INSC: variants seen among roughly 807,000 people sequenced by gnomAD.
INSC encodes the protein protein inscuteable homolog.
A neutral mutation model predicts 58.6 loss-of-function variants in INSC; 67 were observed. That is an observed-to-expected ratio of 1.14 (90% confidence interval 0.94 to 1.40). INSC has a LOEUF of 1.40. INSC is among the 40% of genes most tolerant of loss of function. The probability of loss-of-function intolerance (pLI) is 0.00; values close to 1 mark genes in which losing one functional copy is unlikely to be tolerated. For missense variants in INSC, 714 were observed against 692.0 expected (o/e 1.03, Z -0.36); for synonymous variants, 262 against 276.1 (o/e 0.95, Z 0.51).
At chr11:15,120,711 C>A (rs538559805) in intron 1 of INSC, among the ~76,000 whole-genome samples, 1 of 152,116 alleles carries the variant, frequency 6.6e-6, no homozygotes, top group Non-Finnish European at 1.5e-5. Flanking sequence ...GATGTTTAGA[C>A]TTTTTGTCAT....
chr11:15,177,038 G>A (rs17505972), intron 3 of INSC, 73 bp from the exon 4 acceptor site: 37,405 of 1,143,110 alleles, frequency 0.033, 808 homozygotes, highest in Non-Finnish European at 0.042. Context: ...TAATGTCCCC[G>A]TGTGCTCAGC....
At chr11:15,215,486 G>A (rs1246111806) in intron 7 of INSC, among the ~76,000 whole-genome samples, 1 of 152,196 alleles carries the variant, frequency 6.6e-6, no homozygotes, top group Non-Finnish European at 1.5e-5. Context: ...CTTCTCCCCA[G>A]AGGCCCCAAT....
chr11:15,135,964 G>A (rs146077236), intron 1 of INSC, among the ~76,000 whole-genome samples: 8 of 152,270 alleles, frequency 5.3e-5, no homozygotes, highest in Non-Finnish European at 1.2e-4. Context: ...ATGCTCACAT[G>A]ACGGAGGTAG....
At chr11:15,198,748 C>T (rs539419337) in intron 6 of INSC, among the ~76,000 whole-genome samples, 2 of 152,074 alleles carry the variant, frequency 1.3e-5, no homozygotes, top group South Asian at 4.2e-4. Context: ...CTTAGGACTT[C>T]TATTTCTTTT....
chr11:15,240,581 G>C, intron 12 of INSC, 58 bp downstream of exon 12: 1 of 1,447,326 alleles, frequency 6.9e-7, no homozygotes, highest in Non-Finnish European at 9.6e-7. Context: ...AGCCAAGGGG[G>C]CCAGGAGAAC....
chr11:15,267,231 T>C, the INSC span, among the ~76,000 whole-genome samples: 1 of 151,998 alleles, frequency 6.6e-6, no homozygotes, highest in African/African-American at 2.4e-5. Flanking sequence ...TTATCTTTGC[T>C]CCTCTATATA....
chr11:15,144,417 G>A (rs1848444297), intron 1 of INSC, among the ~76,000 whole-genome samples: 1 of 152,166 alleles, frequency 6.6e-6, no homozygotes, highest in Non-Finnish European at 1.5e-5. Context: ...GATTCATAAT[G>A]ATGGGCTGAC....
intron 1 of INSC, among the ~76,000 whole-genome samples, chr11:15,143,459 C>T (rs1290190222): frequency 6.6e-6 from 1 of 152,076 alleles, no homozygotes; most frequent in South Asian, 2.1e-4. Flanking sequence ...CAGGGATGAA[C>T]AGCAGCTGGC....
At chr11:15,258,724 C>T in the INSC span, among the ~76,000 whole-genome samples, 8 of 152,162 alleles carry the variant, frequency 5.3e-5, no homozygotes, top group African/African-American at 1.9e-4. Context: ...CAATAGGCCC[C>T]TTTAGGGACT....
intron 2 of INSC, among the ~76,000 whole-genome samples, chr11:15,173,207 G>T (rs951642510): frequency 1.1e-4 from 16 of 151,986 alleles, no homozygotes; most frequent in Non-Finnish European, 1.9e-4. Context: ...TTAGGATTCT[G>T]CTGGAGGACT....
chr11:15,232,695 T>C (rs1249188878), intron 9 of INSC, among the ~76,000 whole-genome samples: 1 of 152,196 alleles, frequency 6.6e-6, no homozygotes, highest in African/African-American at 2.4e-5. Context: ...ATAGGAATGT[T>C]ATCCTTGATT....
chr11:15,133,816 C>G (rs1192209098), intron 1 of INSC, among the ~76,000 whole-genome samples: 1 of 152,196 alleles, frequency 6.6e-6, no homozygotes, highest in Non-Finnish European at 1.5e-5. Flanking sequence ...CTTTTGCCAG[C>G]TCAGTAATAT....
chr11:15,221,522 C>T lies in INSC; in HGVS notation c.865C>T (p.His289Tyr), dbSNP rs1018032720. 25 of 1,613,698 alleles carry T rather than the reference C, an allele frequency of 1.5e-5. No homozygotes were observed. Among genetic ancestry groups the T allele is most frequent in the Non-Finnish European group, 1.9e-5 (22 of 1,179,872 alleles). ...CLADILTDNS[H>Y]SEATRAEAAA... Reference sequence around the variant, plus strand: ...GGCCGACATCCTGACCGACAACAGCCACTCAGAGGCCACACGGGCTGAGGC... The same window carrying T: ...GGCCGACATCCTGACCGACAACAGCTACTCAGAGGCCACACGGGCTGAGGC... Residue 289 changes from histidine (H) to tyrosine (Y), a missense_variant, in exon 8 of 13, where the codon CAC becomes TAC. Transcript: ENST00000379556.
At chr11:15,241,988 A>G (rs1852373096) in intron 12 of INSC, among the ~76,000 whole-genome samples, 1 of 152,186 alleles carries the variant, frequency 6.6e-6, no homozygotes, top group East Asian at 1.9e-4. Context: ...TGAAGATGCC[A>G]TGGTTTGTTG....
In INSC at chr11:15,176,253, A is replaced by G. The variant is rs115325461; in HGVS notation, c.402+167A>G. On this transcript the variant is annotated intron_variant, in intron 3 of 12. Transcript: ENST00000379556. ...GTGGAATCTTTACTGAGTGCCTACTATGTGGTGGACATTGTGCTAGGTGTT... is the reference window on the plus strand; with the variant it reads ...GTGGAATCTTTACTGAGTGCCTACTGTGTGGTGGACATTGTGCTAGGTGTT... Among the ~76,000 whole-genome samples, 623 of 152,114 alleles carry G rather than the reference A, an allele frequency of 4.1e-3. 6 individuals carry two copies. Among genetic ancestry groups the G allele is most frequent in the African/African-American group, 0.014 (592 of 41,522 alleles).
the INSC span, among the ~76,000 whole-genome samples, chr11:15,266,454 A>G: frequency 6.6e-6 from 1 of 152,062 alleles, no homozygotes; most frequent in Non-Finnish European, 1.5e-5. Flanking sequence ...ACTAAATTTT[A>G]CAGAGAATAG....
chr11:15,176,679 G>A (rs1487201509), intron 3 of INSC, among the ~76,000 whole-genome samples: 1 of 152,132 alleles, frequency 6.6e-6, no homozygotes, highest in Non-Finnish European at 1.5e-5. Flanking sequence ...TGAGTCCACA[G>A]CCCATGACTT....
chr11:15,146,016 GT>G (rs1848483030), intron 1 of INSC, among the ~76,000 whole-genome samples: 1 of 152,174 alleles, frequency 6.6e-6, no homozygotes, highest in African/African-American at 2.4e-5. Context: ...CTACTAACCA[GT>G]GCTTCCCACT....
downstream of INSC, among the ~76,000 whole-genome samples, chr11:15,251,757 C>T (rs1342346245): frequency 7.5e-6 from 1 of 134,202 alleles, no homozygotes; most frequent in African/African-American, 2.9e-5. Context: ...AATAGTACAG[C>T]TGGTGGGATG....
Sources: allele counts gnomAD v4.1 joint callset (sites outside exome capture counted in the v4.1 genomes callset), GRCh38; gene constraint gnomAD v4.1.1; transcripts MANE v1.5; gene names NCBI Gene and HGNC (gene_info 2026-07-23, HGNC 2026-07-21).